TANGO6: variants seen among roughly 807,000 people sequenced by gnomAD.
TANGO6 encodes the protein transport and golgi organization 6 homolog, also known as transport and Golgi organization protein 6 homolog.
Under a neutral mutation model 114.2 loss-of-function variants are expected in TANGO6, and 90 were observed. The observed-to-expected ratio is 0.79, with a 90% CI of 0.66 to 0.94. The LOEUF (loss-of-function observed/expected upper bound fraction) is 0.94. TANGO6 is among the 40% of genes least tolerant of loss of function. The pLI is 0.00. For synonymous variants in TANGO6, 477 were observed against 509.8 expected (o/e 0.94, Z 0.87); for missense variants, 1,274 against 1,315.3 (o/e 0.97, Z 0.49).
At chr16:69,007,226 T>A (rs1368271755) in intron 15 of TANGO6, 1 of 152,066 alleles carries the variant, frequency 6.6e-6, no homozygotes, top group Non-Finnish European at 1.5e-5. Context: ...TGAATAATAT[T>A]CCGTTGTATT....
At chr16:68,899,154 G>C (rs1194201376) in intron 7 of TANGO6, among the ~76,000 whole-genome samples, 1 of 151,970 alleles carries the variant, frequency 6.6e-6, no homozygotes, top group Admixed American at 6.6e-5. Context: ...TGTGCCTGTG[G>C]TCCTGGCTAC....
intron 15 of TANGO6, among the ~76,000 whole-genome samples, chr16:68,992,182 TG>T (rs1378879542): frequency 6.6e-6 from 1 of 152,074 alleles, no homozygotes; most frequent in Non-Finnish European, 1.5e-5. Flanking sequence ...GATATCAAAG[TG>T]GGGAGGTGGG....
In TANGO6 at chr16:68,974,646, A is replaced by G. The variant is rs187357802; in HGVS notation, c.2842+478A>G. Among the ~76,000 whole-genome samples, 243 of 149,906 alleles carry G rather than the reference A, an allele frequency of 1.6e-3. 2 individuals carry two copies. The South Asian group carries it at 0.025, about 15-fold the overall frequency. ...ACTGTGCTCCAGCCTGGGCGACAAA[A>G]TGAGATTCCATCTCAAAAATAACAA... On this transcript the variant is annotated intron_variant, in intron 15 of 17. Coordinates refer to ENST00000261778, the MANE Select transcript of TANGO6 (RefSeq NM_024562.2).
chr16:68,949,688 A>G (rs1963452304), intron 14 of TANGO6, among the ~76,000 whole-genome samples: 1 of 152,150 alleles, frequency 6.6e-6, no homozygotes, highest in South Asian at 2.1e-4. Flanking sequence ...TGTTGCCGGT[A>G]GAAATGTAAA....
At chr16:69,011,116 A>G (rs962082188) in intron 15 of TANGO6, among the ~76,000 whole-genome samples, 1 of 152,154 alleles carries the variant, frequency 6.6e-6, no homozygotes, top group Non-Finnish European at 1.5e-5. Flanking sequence ...ATTTTTGGAA[A>G]ATATAATTCG....
chr16:68,891,071 C>T (rs942753118), intron 7 of TANGO6, among the ~76,000 whole-genome samples: 4 of 150,188 alleles, frequency 2.7e-5, no homozygotes, highest in Admixed American at 6.7e-5. Flanking sequence ...GTGGGGGGAT[C>T]GCTTGAGGTC....
intron 12 of TANGO6, among the ~76,000 whole-genome samples, chr16:68,926,216 G>A (rs916911884): frequency 4.6e-5 from 7 of 152,004 alleles, no homozygotes; most frequent in Admixed American, 2.0e-4. Flanking sequence ...TGTCTCGGCC[G>A]GGCACCGTGG....
intron 17 of TANGO6, among the ~76,000 whole-genome samples, chr16:69,061,736 G>A (rs940636916): frequency 4.6e-5 from 7 of 151,420 alleles, no homozygotes; most frequent in African/African-American, 7.3e-5. Flanking sequence ...ATGCATTTCC[G>A]GCCGGGCGCG....
At chr16:68,934,925 G>A (rs1013552918) in intron 14 of TANGO6, among the ~76,000 whole-genome samples, 2 of 152,024 alleles carry the variant, frequency 1.3e-5, no homozygotes, top group Non-Finnish European at 2.9e-5. Flanking sequence ...AATTTTCGTT[G>A]GTGTGCAAAT....
At chr16:68,897,979 A>G (rs1296295262) in intron 7 of TANGO6, among the ~76,000 whole-genome samples, 3 of 152,172 alleles carry the variant, frequency 2.0e-5, no homozygotes, top group Non-Finnish European at 4.4e-5. Context: ...AAGCCAGTAA[A>G]TAATGAAGAC....
chr16:68,998,863 A>G (rs911158231), intron 15 of TANGO6, among the ~76,000 whole-genome samples: 1 of 151,978 alleles, frequency 6.6e-6, no homozygotes, highest in African/African-American at 2.4e-5. Context: ...CTTTGATGAA[A>G]CATTGTTCCA....
intron 16 of TANGO6, among the ~76,000 whole-genome samples, chr16:69,037,155 A>C (rs900867148): frequency 2.0e-5 from 3 of 151,692 alleles, no homozygotes; most frequent in Admixed American, 2.0e-4. Flanking sequence ...AAAAAAAAAA[A>C]AGAATTGCCC....
At chr16:69,014,274 T>G (rs548545475) in intron 15 of TANGO6, among the ~76,000 whole-genome samples, 3 of 152,320 alleles carry the variant, frequency 2.0e-5, no homozygotes, top group African/African-American at 7.2e-5. Context: ...TGGTTTCAAG[T>G]TGGTTGCAGC....
intron 17 of TANGO6, among the ~76,000 whole-genome samples, chr16:69,043,744 A>G (rs1187536249): frequency 1.3e-5 from 2 of 152,190 alleles, no homozygotes; most frequent in Admixed American, 6.6e-5. Flanking sequence ...TTTTGCCCCC[A>G]GGAACAGCTG....
chr16:69,023,036 T>C lies in TANGO6; in HGVS notation c.2994+57T>C, dbSNP rs934334679. 11 of 1,469,394 alleles carry C rather than the reference T, an allele frequency of 7.5e-6. No individual in the cohort carries two copies. The Admixed American group carries it at 1.6e-4, about 22-fold the overall frequency. The allele number at this position is 1,469,394 out of a possible 1,614,324, so 91.0% of individuals were successfully genotyped here. ...TGTTTTCACTTGGACCTACGATGCA[T>C]CTTGAGATTGGGAGTCAGGAGACCT... On this transcript the variant is annotated intron_variant, in intron 16 of 17. Transcript: ENST00000261778.
intron 17 of TANGO6, among the ~76,000 whole-genome samples, chr16:69,062,189 A>G (rs187195385): frequency 6.6e-6 from 1 of 152,352 alleles, no homozygotes; most frequent in Admixed American, 6.5e-5. Context: ...CTTCTGGAAA[A>G]TAAAATCATT....
rs765054621 is a variant in TANGO6 at position 68,868,492 on chromosome 16, A to ATTTTTT, written c.994+1290_994+1295dup. ...TTCTGGTATTTACCTCTATATTTCT[A>ATTTTTT]TTTTTTTTTTTTTTTTTTTTTTTGA... is the stretch of plus-strand genomic sequence containing the variant. On this transcript the variant is annotated intron_variant, in intron 4 of 17. Transcript: ENST00000261778. 5.6e-3 allele frequency among the ~76,000 whole-genome samples: 525 copies of ATTTTTT among 93,596 alleles called. 3 individuals carry two copies. The highest frequency in any genetic ancestry group is 8.0e-3 in the Non-Finnish European group (384 of 48,156). 61.4% of individuals were successfully genotyped at this position (93,596 alleles called of 152,430 possible).
In TANGO6 at chr16:68,867,179, G is replaced by A. The variant is rs377129715; in HGVS notation, c.953G>A (p.Gly318Asp). The A allele has an allele frequency of 4.3e-6, 7 of 1,613,866 alleles. No homozygotes were observed. Among genetic ancestry groups the A allele is most frequent in the Non-Finnish European group, 5.9e-6 (7 of 1,179,874 alleles). Residue 318 changes from glycine (G) to aspartate (D), a missense_variant, in exon 4 of 18, where the codon GGT becomes GAT. By Grantham distance (94) the Gly-to-Asp change is moderately conservative. Transcript: ENST00000261778. ...TCTGAAAGGTTAATGAGACCTAATG[G>A]TGTTCAGGCAGTAGTCCGGGGCATT... Reference protein sequence around the residue: ...LLSERLMRPNGVQAVVRGILE... With the variant: ...LLSERLMRPNDVQAVVRGILE...
intron 1 of TANGO6, among the ~76,000 whole-genome samples, chr16:68,857,990 T>A (rs1468979101): frequency 6.6e-6 from 1 of 152,144 alleles, no homozygotes; most frequent in Non-Finnish European, 1.5e-5. Context: ...AGAGTTTGGG[T>A]AACCTTGATG....
Sources: allele counts gnomAD v4.1 joint callset (sites outside exome capture counted in the v4.1 genomes callset), GRCh38; gene constraint gnomAD v4.1.1; transcripts MANE v1.5; gene names NCBI Gene and HGNC (gene_info 2026-07-23, HGNC 2026-07-21).